ELMO1: variants seen among roughly 807,000 people sequenced by gnomAD.
ELMO1 encodes engulfment and cell motility protein 1.
ELMO1 carries 26 observed loss-of-function variants against 98.9 expected under a neutral mutation model. The ratio of observed to expected loss-of-function variants is 0.26; its 90% confidence interval spans 0.19 to 0.36. The LOEUF is 0.36. ELMO1 is among the 10% of genes least tolerant of loss of function. The probability of loss-of-function intolerance (pLI) is 1.00; values close to 1 mark genes in which losing one functional copy is unlikely to be tolerated. For missense variants in ELMO1, 627 were observed against 935.2 expected, an observed-to-expected ratio of 0.67 and a Z score of 4.30; for synonymous variants, 346 against 346.0, an observed-to-expected ratio of 1.00 and a Z score of 0.00.
At chr7:36,959,599 TCTGA>T (rs1405852460) in intron 16 of ELMO1, among the ~76,000 whole-genome samples, 2 of 152,234 alleles carry the variant, frequency 1.3e-5, no homozygotes, top group Non-Finnish European at 2.9e-5. Context: ...AGTTCCCTTG[TCTGA>T]CTGAGGGAAT....
intron 16 of ELMO1, among the ~76,000 whole-genome samples, chr7:36,932,327 AAAG>A (rs1786116714): frequency 6.6e-6 from 1 of 152,228 alleles, no homozygotes; most frequent in South Asian, 2.1e-4. Flanking sequence ...ATACGTGATA[AAAG>A]AAAACAATGT....
intron 14 of ELMO1, among the ~76,000 whole-genome samples, chr7:37,098,851 CAG>C (rs1167456874): frequency 6.6e-6 from 1 of 152,168 alleles, no homozygotes; most frequent in African/African-American, 2.4e-5. Flanking sequence ...AAAAAAGAAA[CAG>C]AGCCAGAAGA....
At chr7:36,958,040 C>A (rs1486519425) in intron 16 of ELMO1, among the ~76,000 whole-genome samples, 1 of 152,220 alleles carries the variant, frequency 6.6e-6, no homozygotes, top group Non-Finnish European at 1.5e-5. Context: ...TCAGTTGCAA[C>A]CTGCAACACA....
intron 15 of ELMO1, among the ~76,000 whole-genome samples, chr7:37,071,776 T>C (rs77065119): frequency 0.015 from 2,296 of 152,262 alleles, 67 homozygotes; most frequent in African/African-American, 0.053. Context: ...ATTTTGCTAG[T>C]AGATTAAAAT....
chr7:37,126,006 A>G (rs1007927829), intron 14 of ELMO1, among the ~76,000 whole-genome samples: 2 of 152,152 alleles, frequency 1.3e-5, no homozygotes, highest in Admixed American at 6.5e-5. Context: ...AAGGACATGG[A>G]TGAAGCTGGA....
intron 2 of ELMO1, among the ~76,000 whole-genome samples, chr7:37,327,163 C>CTGCA (rs2131175173): frequency 6.6e-6 from 1 of 152,348 alleles, no homozygotes; most frequent in Admixed American, 6.5e-5. Context: ...CAGAAGGCCA[C>CTGCA]TGCACTCCAC....
At chr7:37,253,514 G>A (rs540250042) in intron 6 of ELMO1, among the ~76,000 whole-genome samples, 14 of 152,224 alleles carry the variant, frequency 9.2e-5, no homozygotes, top group South Asian at 2.1e-4. Context: ...ACTTGTAAGC[G>A]GGAGTTGAAC....
intron 16 of ELMO1, among the ~76,000 whole-genome samples, chr7:37,011,435 T>G (rs1183488546): frequency 6.6e-6 from 1 of 152,208 alleles, no homozygotes; most frequent in Admixed American, 6.5e-5. Context: ...TCTATAGGAT[T>G]TAAGTGTCTG....
At chr7:37,238,117 T>C (rs1794576424) in intron 7 of ELMO1, among the ~76,000 whole-genome samples, 1 of 152,208 alleles carries the variant, frequency 6.6e-6, no homozygotes, top group African/African-American at 2.4e-5. Context: ...ATGCTTTGGC[T>C]CTGTGTCCCT....
intron 16 of ELMO1, among the ~76,000 whole-genome samples, chr7:36,947,982 C>T (rs568250084): frequency 1.3e-5 from 2 of 152,314 alleles, no homozygotes; most frequent in East Asian, 3.9e-4. Context: ...GCTAGGCAAA[C>T]ACTTGTCTAT....
rs70975003 is a variant in ELMO1 at position 37,191,188 on chromosome 7, CA to C, written c.1086+20197del. Among the ~76,000 whole-genome samples, 324 of 94,064 alleles carry C rather than the reference CA, an allele frequency of 3.4e-3. 2 individuals are homozygous for C. The East Asian group carries it at 0.05, about 14-fold the overall frequency. The allele number at this position is 94,064 out of a possible 152,430, so 61.7% of individuals were successfully genotyped here. A position where few individuals can be genotyped will look rare whatever the true frequency, so the allele number is the denominator to read the frequency against. On this transcript the variant is annotated intron_variant, in intron 13 of 21. Transcript: ENST00000310758. ...TGGGTAACAGAGCAAGACTCTGTCT[CA>C]AAAAAAAAAAAAAAAAAGAAAGAAA...
At chr7:37,078,918 G>T (rs75768653) in intron 15 of ELMO1, among the ~76,000 whole-genome samples, 4 of 151,706 alleles carry the variant, frequency 2.6e-5, no homozygotes, top group African/African-American at 9.7e-5. Flanking sequence ...CCCAAAAAGC[G>T]TACAAAGGTA....
chr7:37,305,201 C>T (rs1395191315), intron 4 of ELMO1, among the ~76,000 whole-genome samples: 1 of 152,194 alleles, frequency 6.6e-6, no homozygotes, highest in African/African-American at 2.4e-5. Context: ...GTAAAACTCA[C>T]TTTCTCAAAA....
chr7:36,903,010 C>A (rs1317602046), intron 16 of ELMO1, among the ~76,000 whole-genome samples: 4 of 152,188 alleles, frequency 2.6e-5, no homozygotes, highest in African/African-American at 9.7e-5. Context: ...CTGATCATAT[C>A]ATTCACCTGC....
At chr7:37,144,003 G>A (rs577587778) in intron 13 of ELMO1, among the ~76,000 whole-genome samples, 8 of 152,066 alleles carry the variant, frequency 5.3e-5, no homozygotes, top group African/African-American at 7.2e-5. Context: ...GAGCCACCGC[G>A]ACTGGCCTAT....
At position 37,426,142 on chromosome 7, in the gene ELMO1, C is replaced by CTTTTTTTTTTTTTTTTTT. The variant is rs36086006; in HGVS notation, c.-74+22515_-74+22532dup. ...TCTCTCTCTCCCTCTTTTTTTCTTT[C>CTTTTTTTTTTTTTTTTTT]TTTTTTTTTTTTTTTTTTTTTTTTT... is the stretch of plus-strand genomic sequence containing the variant. On this transcript the variant is annotated intron_variant, in intron 1 of 21. Coordinates refer to ENST00000310758, the MANE Select transcript of ELMO1 (RefSeq NM_014800.11). 1.1e-3 allele frequency among the ~76,000 whole-genome samples: 97 copies of CTTTTTTTTTTTTTTTTTT among 84,568 alleles called. 3 individuals are homozygous for CTTTTTTTTTTTTTTTTTT. Among genetic ancestry groups the CTTTTTTTTTTTTTTTTTT allele is most frequent in the Non-Finnish European group, 1.7e-3 (77 of 45,742 alleles). 55.5% of individuals were successfully genotyped at this position (84,568 alleles called of 152,430 possible).
At chr7:37,130,112 T>C (rs751408547) in intron 14 of ELMO1, among the ~76,000 whole-genome samples, 9 of 152,172 alleles carry the variant, frequency 5.9e-5, no homozygotes, top group Non-Finnish European at 1.0e-4. Context: ...CACATCTGTG[T>C]TGGTGACTTT....
At chr7:36,857,277 A>G (rs1051916567) in intron 21 of ELMO1, among the ~76,000 whole-genome samples, 1 of 152,142 alleles carries the variant, frequency 6.6e-6, no homozygotes, top group African/African-American at 2.4e-5. Flanking sequence ...CTAACCATCA[A>G]TTTCTTCATA....
At chr7:37,407,838 G>A (rs1803835622) in intron 1 of ELMO1, among the ~76,000 whole-genome samples, 1 of 152,140 alleles carries the variant, frequency 6.6e-6, no homozygotes, top group Non-Finnish European at 1.5e-5. Context: ...GAATAATAAT[G>A]TATCAATATT....
Sources: allele counts gnomAD v4.1 joint callset (sites outside exome capture counted in the v4.1 genomes callset), GRCh38; gene constraint gnomAD v4.1.1; transcripts MANE v1.5; gene names NCBI Gene and HGNC (gene_info 2026-07-23, HGNC 2026-07-21).